Variants in CHIA observed in about 807,000 individuals in gnomAD.
CHIA encodes the protein chitinase acidic, also known as acidic mammalian chitinase.
In CHIA, 47 loss-of-function variants were observed where a neutral mutation model predicts 53.5. The observed-to-expected ratio is 0.88, with a 90% CI of 0.70 to 1.12. The LOEUF (loss-of-function observed/expected upper bound fraction) is 1.12. CHIA is among the 50% of genes most tolerant of loss of function. The pLI is 0.00. For missense variants in CHIA, 652 were observed against 592.2 expected (o/e 1.10, Z -1.05); for synonymous variants, 268 against 222.2 (o/e 1.21, Z -1.83).
chr1:111,293,848 G>T (rs755673810), intron 1 of CHIA, among the ~76,000 whole-genome samples: 8 of 152,184 alleles, frequency 5.3e-5, no homozygotes, highest in Non-Finnish European at 7.4e-5. Flanking sequence ...GAGAGGCCAA[G>T]GTGGGCAGAT....
At chr1:111,315,208 A>G (rs1321934155) in intron 5 of CHIA, 62 bp from the exon 6 acceptor site, 1 of 1,281,640 alleles carries the variant, frequency 7.8e-7, no homozygotes, top group East Asian at 2.3e-5. Flanking sequence ...TGAGAGCTTG[A>G]TTTTACTCCA....
chr1:111,318,733 G>T, intron 9 of CHIA, 55 bp downstream of exon 9: 2 of 1,526,030 alleles, frequency 1.3e-6, no homozygotes, highest in Non-Finnish European at 1.8e-6. Context: ...GTGCCTTAGG[G>T]CTAGAATCTG....
At chr1:111,320,107 T>C (rs548923831) in intron 11 of CHIA, 106 bp from the exon 12 acceptor site, 3 of 983,196 alleles carry the variant, frequency 3.1e-6, no homozygotes, top group East Asian at 4.8e-5. Context: ...CAGAGCCAAC[T>C]GCACCCCACC....
intron 5 of CHIA, chr1:111,314,877 A>C: frequency 2.2e-6 from 1 of 454,062 alleles, no homozygotes; most frequent in Non-Finnish European, 3.9e-6. Context: ...CAAGAGTACA[A>C]ACCCTGAGGA....
At chr1:111,318,355 C>A in intron 8 of CHIA, 138 bp from the exon 9 acceptor site, 1 of 885,562 alleles carries the variant, frequency 1.1e-6, no homozygotes, top group Non-Finnish European at 1.7e-6. Context: ...TACAACTTCA[C>A]CAAAATGTTT....
At chr1:111,314,477 G>A in intron 4 of CHIA, 63 bp from the exon 5 acceptor site, 2 of 1,123,136 alleles carry the variant, frequency 1.8e-6, no homozygotes, top group South Asian at 1.2e-5. Context: ...CTAAAGCAAT[G>A]TATTTTAAAT....
At chr1:111,291,834 G>T (rs867946026) in intron 1 of CHIA, among the ~76,000 whole-genome samples, 29 of 150,934 alleles carry the variant, frequency 1.9e-4, no homozygotes, top group Non-Finnish European at 4.0e-4. Context: ...GCCTGTCGGG[G>T]GGGGGTGGGG....
intron 2 of CHIA, 85 bp downstream of exon 2, chr1:111,310,577 A>C: frequency 6.2e-7 from 1 of 1,607,242 alleles, no homozygotes; most frequent in South Asian, 1.1e-5. Context: ...AGTGGTCTTC[A>C]TACTACATCC....
intron 1 of CHIA, among the ~76,000 whole-genome samples, chr1:111,296,958 T>C (rs1661377246): frequency 6.6e-6 from 1 of 152,138 alleles, no homozygotes; most frequent in African/African-American, 2.4e-5. Flanking sequence ...TTTGATCAAA[T>C]GGAAGAAAGG....
At chr1:111,318,423 G>A (rs1649351758) in intron 8 of CHIA, 70 bp from the exon 9 acceptor site, 1 of 1,283,534 alleles carries the variant, frequency 7.8e-7, no homozygotes. Context: ...TGTCGGAATA[G>A]GGGACTAATA....
intron 1 of CHIA, among the ~76,000 whole-genome samples, chr1:111,306,318 G>C (rs1648183647): frequency 6.6e-6 from 1 of 152,122 alleles, no homozygotes. Context: ...GCTATGACAG[G>C]TCTGAGGAGT....
In CHIA at chr1:111,301,375, A is replaced by G. The variant is rs189803373; in HGVS notation, c.-68-9025A>G. On this transcript the variant is annotated intron_variant, in intron 1 of 11. Coordinates refer to ENST00000369740, the MANE Select transcript of CHIA (RefSeq NM_201653.4). The stretch of plus-strand genomic sequence containing the variant: ...ACTGAATAAAGAAAATATGGCACAT[A>G]TACACCATGAAATGCTATGCAGCCA... Among the ~76,000 whole-genome samples the G allele has an allele frequency of 3.3e-5, 5 of 152,320 alleles. No homozygotes were observed. In the East Asian group the frequency reaches 9.6e-4, roughly 29 times the overall value.
At chr1:111,291,527 G>T (rs11576566) in intron 1 of CHIA, among the ~76,000 whole-genome samples, 17 of 151,670 alleles carry the variant, frequency 1.1e-4, no homozygotes, top group Non-Finnish European at 2.2e-4. Context: ...TGGGGGCAAG[G>T]GGGGGAGAGC....
At chr1:111,313,040 GTCCATTCA>G (rs1648817467) in intron 4 of CHIA, among the ~76,000 whole-genome samples, 1 of 152,006 alleles carries the variant, frequency 6.6e-6, no homozygotes, top group African/African-American at 2.4e-5. Flanking sequence ...CATTTTCTTT[GTCCATTCA>G]TCCATTGAGG....
intron 5 of CHIA, 164 bp downstream of exon 5, chr1:111,314,760 A>G (rs1263600987): frequency 3.5e-6 from 2 of 574,150 alleles, no homozygotes; most frequent in Non-Finnish European, 6.2e-6. Flanking sequence ...CTCATTATTA[A>G]GTGGAACACA....
rs902800649 is a variant in CHIA at position 111,318,484 on chromosome 1, A to G, written c.730-9A>G. 1 of 1,610,190 alleles carries G rather than the reference A, an allele frequency of 6.2e-7. No individual in the cohort carries two copies. Among genetic ancestry groups the G allele is most frequent in the African/African-American group, 1.3e-5 (1 of 74,892 alleles). ...GTTGGGCCATGTAACTAACCCACTG[A>G]CATTGCAGGATTATGTCATGAACTA... is the stretch of plus-strand genomic sequence containing the variant. On this transcript the variant is annotated splice_polypyrimidine_tract_variant and intron_variant, in intron 8 of 11. Coordinates refer to ENST00000369740, the MANE Select transcript of CHIA (RefSeq NM_201653.4).
chr1:111,305,749 T>A (rs111696185), intron 1 of CHIA, among the ~76,000 whole-genome samples: 1,936 of 152,342 alleles, frequency 0.013, 39 homozygotes, highest in African/African-American at 0.044. Flanking sequence ...CTTCTCAGAA[T>A]TCGTTCCTCA....
intron 1 of CHIA, among the ~76,000 whole-genome samples, chr1:111,302,812 C>T (rs997091378): frequency 1.3e-5 from 2 of 151,966 alleles, no homozygotes; most frequent in Admixed American, 6.6e-5. Context: ...ACTTATCTTC[C>T]GTGTGGTTGT....
chr1:111,317,991 T>A lies in CHIA; in HGVS notation c.611T>A (p.Leu204Gln). Residue 204 changes from leucine to glutamine, a missense_variant, in exon 8 of 12, where the codon CTG (leucine) becomes CAG (glutamine). Leu to Gln is a moderately radical substitution (Grantham distance 113). Coordinates refer to ENST00000369740, the MANE Select transcript of CHIA (RefSeq NM_201653.4). ...AATCCTCCACCCCACCTCAGGTACCTGGACTACATCCATGTCATGACCTAC... is the reference window on the plus strand; with the variant it reads ...AATCCTCCACCCCACCTCAGGTACCAGGACTACATCCATGTCATGACCTAC... ...GYEIPQLSQY[L>Q]DYIHVMTYDL... 1 of 1,614,196 alleles carries A rather than the reference T, an allele frequency of 6.2e-7. No individual in the cohort carries two copies. Among genetic ancestry groups the A allele is most frequent in the Non-Finnish European group, 8.5e-7 (1 of 1,180,024 alleles).
Sources: gnomAD v4.1 joint callset for allele counts (sites outside exome capture counted in the v4.1 genomes callset) on GRCh38, gnomAD v4.1.1 for gene constraint, MANE v1.5 for transcripts, NCBI Gene and HGNC (gene_info 2026-07-23, HGNC 2026-07-21) for gene names.